OSBPL2: variants seen among roughly 807,000 people sequenced by gnomAD.
The protein encoded by OSBPL2 is oxysterol-binding protein-related protein 2.
Under a neutral mutation model 58.4 loss-of-function variants are expected in OSBPL2, and 18 were observed. That is an observed-to-expected ratio of 0.31 (90% CI 0.21 to 0.46). OSBPL2 has a LOEUF of 0.46. OSBPL2 is among the 20% of genes least tolerant of loss of function. The pLI, the probability that OSBPL2 is intolerant of heterozygous loss-of-function variation, is 1.00. For missense variants in OSBPL2, 461 were observed against 616.5 expected (o/e 0.75, Z 2.67); for synonymous variants, 221 against 234.1 (o/e 0.94, Z 0.51).
chr20:62,263,537 C>T (rs566874367), intron 3 of OSBPL2, 79 bp from the exon 4 acceptor site: 74 of 1,103,716 alleles, frequency 6.7e-5, no homozygotes, highest in African/African-American at 4.8e-4. Context: ...AAAGAGAAAT[C>T]GTCATTGAGC....
intron 4 of OSBPL2, chr20:62,271,786 T>G: frequency 4.0e-6 from 1 of 251,028 alleles, no homozygotes. Context: ...GTGGAGAAGA[T>G]GTGGAGTAGG....
In OSBPL2 at chr20:62,281,196, C is replaced by T. The variant is rs142168927; in HGVS notation, c.782+31C>T. On this transcript the variant is annotated intron_variant, in intron 8 of 13. Transcript: ENST00000313733. The stretch of plus-strand genomic sequence containing the variant: ...AGCACCCCACCGTTGGGTGAGAGCG[C>T]GAGGCTCCGGGTGGGGATGGGCGAG... 9,147 of 1,524,714 alleles carry T rather than the reference C, an allele frequency of 6.0e-3. 32 individuals carry two copies. Among genetic ancestry groups the T allele is most frequent in the Non-Finnish European group, 7.2e-3 (7,910 of 1,100,674 alleles). The allele number at this position is 1,524,714 out of a possible 1,614,324, so 94.4% of individuals were successfully genotyped here. A position where few individuals can be genotyped will look rare whatever the true frequency, so the allele number is the denominator to read the frequency against.
chr20:62,286,086 C>G (rs990352637), intron 10 of OSBPL2: 3 of 161,470 alleles, frequency 1.9e-5, no homozygotes, highest in Non-Finnish European at 4.1e-5. Context: ...TGGGGCCCAG[C>G]TCCTCTCCGT....
chr20:62,266,557 T>C (rs1220031127), intron 4 of OSBPL2, among the ~76,000 whole-genome samples: 1 of 151,266 alleles, frequency 6.6e-6, no homozygotes, highest in Non-Finnish European at 1.5e-5. Context: ...TGTGGCTCGT[T>C]CTGGATCCGA....
At chr20:62,291,091 G>C (rs1983477220) in intron 12 of OSBPL2, among the ~76,000 whole-genome samples, 2 of 152,148 alleles carry the variant, frequency 1.3e-5, no homozygotes, top group African/African-American at 2.4e-5. Context: ...GCCAACTCTT[G>C]GGTTCAAGCG....
At chr20:62,273,698 C>T (rs960459843) in intron 6 of OSBPL2, among the ~76,000 whole-genome samples, 2 of 152,104 alleles carry the variant, frequency 1.3e-5, no homozygotes, top group African/African-American at 2.4e-5. Flanking sequence ...TGTGTGTGTG[C>T]GACGTCTGTG....
Position 62,293,766 on chromosome 20 carries a change from C to T in OSBPL2, c.1341-19C>T. 2 of 1,611,336 alleles carry T rather than the reference C, an allele frequency of 1.2e-6. No individual in the cohort carries two copies. The highest frequency in any genetic ancestry group is 1.3e-5 in the African/African-American group (1 of 74,940). On this transcript the variant is annotated intron_variant, in intron 13 of 13. Coordinates refer to ENST00000313733, the MANE Select transcript of OSBPL2 (RefSeq NM_144498.4). ...TTTGGGCTGAGCATCTTCTGACCCC[C>T]CTCCCTTGTATCCGGCAGGTGGTTC...
intron 1 of OSBPL2, among the ~76,000 whole-genome samples, chr20:62,244,796 T>C (rs1476013576): frequency 6.6e-6 from 1 of 152,224 alleles, no homozygotes; most frequent in African/African-American, 2.4e-5. Context: ...GTGGGAAGGT[T>C]TGCCACTCCC....
intron 3 of OSBPL2, among the ~76,000 whole-genome samples, chr20:62,262,699 G>A (rs1288545991): frequency 6.6e-6 from 1 of 152,208 alleles, no homozygotes; most frequent in African/African-American, 2.4e-5. Context: ...CCGGGGCATA[G>A]CTCGGGAGCA....
intron 6 of OSBPL2, among the ~76,000 whole-genome samples, chr20:62,275,467 C>T (rs1462579779): frequency 4.0e-5 from 6 of 151,658 alleles, no homozygotes; most frequent in Non-Finnish European, 8.8e-5. Context: ...GACATGATCA[C>T]GGCTCACTGT....
intron 7 of OSBPL2, chr20:62,279,857 G>T: frequency 4.3e-6 from 3 of 702,664 alleles, no homozygotes; most frequent in Non-Finnish European, 5.2e-6. Context: ...TGAGAAGGAA[G>T]CCAGGGAAGT....
chr20:62,269,911 C>T lies in OSBPL2; in HGVS notation c.259-2214C>T, dbSNP rs538034568. On this transcript the variant is annotated intron_variant, in intron 4 of 13. Coordinates refer to ENST00000313733, the MANE Select transcript of OSBPL2 (RefSeq NM_144498.4). This position sits in a 1 kb window ranked among gnomAD's most constrained non-coding sequence, Gnocchi z 4.2. ...TAGCCCCTCCTAAGCCCACAGTCCCCGTGTGTCCAGTGCCATCTGGGGCCT... is the reference window on the plus strand; with the variant it reads ...TAGCCCCTCCTAAGCCCACAGTCCCTGTGTGTCCAGTGCCATCTGGGGCCT... 1.3e-4 allele frequency among the ~76,000 whole-genome samples: 20 copies of T among 152,340 alleles called. No individual in the cohort carries two copies. The highest frequency in any genetic ancestry group is 3.4e-3 in the Middle Eastern group (1 of 294).
intron 1 of OSBPL2, among the ~76,000 whole-genome samples, chr20:62,253,217 T>C (rs1468568287): frequency 6.6e-6 from 1 of 152,260 alleles, no homozygotes; most frequent in East Asian, 1.9e-4. Context: ...TTTGCTGGGA[T>C]GCTTCCATAA....
At chr20:62,290,595 A>G (rs1038536695) in intron 12 of OSBPL2, among the ~76,000 whole-genome samples, 3 of 143,438 alleles carry the variant, frequency 2.1e-5, no homozygotes, top group African/African-American at 7.9e-5. Flanking sequence ...AATTTTTTGT[A>G]TATTTTAGTA....
At chr20:62,279,074 AG>A in intron 6 of OSBPL2, 82 bp from the exon 7 acceptor site, 1 of 1,209,216 alleles carries the variant, frequency 8.3e-7, no homozygotes, top group Middle Eastern at 2.0e-4. Context: ...GCGTCCTGTG[AG>A]GGGCTCCACA....
chr20:62,247,298 G>A (rs1294847274), intron 1 of OSBPL2, among the ~76,000 whole-genome samples: 2 of 152,214 alleles, frequency 1.3e-5, no homozygotes, highest in African/African-American at 4.8e-5. Flanking sequence ...CTTCCTGTGG[G>A]TCCTCTGGGG....
chr20:62,250,433 G>A (rs1490077295), intron 1 of OSBPL2, among the ~76,000 whole-genome samples: 1 of 152,164 alleles, frequency 6.6e-6, no homozygotes, highest in Admixed American at 6.5e-5. Context: ...TGACCGGAAA[G>A]CCCTCCCCAG....
intron 12 of OSBPL2, among the ~76,000 whole-genome samples, chr20:62,290,667 G>A (rs1414766694): frequency 6.6e-6 from 1 of 150,896 alleles, no homozygotes; most frequent in Non-Finnish European, 1.5e-5. Context: ...TGATCCGCCC[G>A]CCTCAGCCTC....
chr20:62,242,376 C>T (rs1979790210), intron 1 of OSBPL2: 1 of 152,266 alleles, frequency 6.6e-6, no homozygotes, highest in Non-Finnish European at 1.5e-5. Context: ...CACATTCTTT[C>T]CGCTGGAGCT....
Sources: gnomAD v4.1 joint callset for allele counts (sites outside exome capture counted in the v4.1 genomes callset) on GRCh38, gnomAD v4.1.1 for gene constraint, Gnocchi (gnomAD v3.1) non-coding constraint, MANE v1.5 for transcripts, NCBI Gene and HGNC (gene_info 2026-07-23, HGNC 2026-07-21) for gene names.